The following RNF130 variants were observed in gnomAD, a reference collection of about 807,000 sequenced individuals.
RNF130 encodes the protein ring finger protein 130.
In RNF130, 21 loss-of-function variants were observed where a neutral mutation model predicts 44.6. The observed-to-expected ratio is 0.47, with a 90% CI of 0.33 to 0.68. RNF130 has a LOEUF of 0.68. Ranked by LOEUF, RNF130 falls within the 30% of genes least tolerant of loss-of-function variation. RNF130 has a pLI of 0.02. For missense variants in RNF130, 479 were observed against 560.6 expected (o/e 0.85, Z 1.47); for synonymous variants, 214 against 210.4 (o/e 1.02, Z -0.15).
rs1195961198 is a variant in RNF130, at chr5:179,966,983, C to T, written c.973G>A (p.Ala325Thr). ...CTGGTGAGCCTTTCCATATCGAATGCTACGTTATCAGTACATGGCAAATTC... is the reference window on the plus strand; with the variant it reads ...CTGGTGAGCCTTTCCATATCGAATGTTACGTTATCAGTACATGGCAAATTC... ...VPNLPCTDNVAFDMERLTRTQ... is the reference protein window; with the variant it reads ...VPNLPCTDNVTFDMERLTRTQ... Residue 325 changes from alanine to threonine, a missense_variant, in exon 7 of 9, where the codon GCA (alanine) becomes ACA (threonine). This residue lies in a region of RNF130 where 161 missense variants were observed against 158.6 expected (regional missense o/e 1.02). Transcript: ENST00000521389. 3 of 1,614,142 alleles carry T rather than the reference C, an allele frequency of 1.9e-6. No individual in the cohort carries two copies. In the African/African-American group the frequency reaches 4.0e-5, roughly 22 times the overall value.
intron 1 of RNF130, among the ~76,000 whole-genome samples, chr5:180,071,005 A>G (rs907657563): frequency 4.7e-5 from 7 of 148,892 alleles, no homozygotes; most frequent in African/African-American, 9.9e-5. Flanking sequence ...TTACCACTTA[A>G]GAAAAACGGC....
intron 7 of RNF130, among the ~76,000 whole-genome samples, chr5:179,943,975 T>A (rs866109588): frequency 2.6e-4 from 38 of 143,958 alleles, no homozygotes; most frequent in East Asian, 2.0e-3. Context: ...TTCTGAGAAA[T>A]TTTTTTTTTT....
At chr5:180,015,344 C>T (rs541630193) in intron 2 of RNF130, 1 of 533,800 alleles carries the variant, frequency 1.9e-6, no homozygotes, top group South Asian at 1.4e-5. Context: ...AGACGGATCC[C>T]ACAAACGACA....
intron 7 of RNF130, among the ~76,000 whole-genome samples, chr5:179,925,583 C>A (rs1761696757): frequency 6.6e-6 from 1 of 152,064 alleles, no homozygotes; most frequent in Admixed American, 6.6e-5. Context: ...CTGGAGTGTG[C>A]AGTGGTGCGA....
At chr5:180,061,582 T>C (rs1764987660) in intron 1 of RNF130, among the ~76,000 whole-genome samples, 1 of 152,204 alleles carries the variant, frequency 6.6e-6, no homozygotes, top group African/African-American at 2.4e-5. Context: ...AGCCATCCTT[T>C]GCACCCGCCG....
intron 2 of RNF130, among the ~76,000 whole-genome samples, chr5:180,022,010 C>G (rs77627621): frequency 0.012 from 1,832 of 152,330 alleles, 35 homozygotes; most frequent in African/African-American, 0.042. Context: ...ACATTCGGCC[C>G]AGTTGATCTG....
chr5:179,963,524 G>C lies in RNF130; in HGVS notation c.1191C>G (p.Ala397=). 7 of 1,614,016 alleles carry C rather than the reference G, an allele frequency of 4.3e-6. No individual in the cohort carries two copies. Among genetic ancestry groups the C allele is most frequent in the Non-Finnish European group, 5.9e-6 (7 of 1,179,924 alleles). The stretch of plus-strand genomic sequence containing the variant: ...TGATGATCATGTAGCAGAGTGTGAG[G>C]GCACTGAGGAGGCCAAAACTGGCAA... ...FIIASFGLLS[A]LTLCYMIIRA... is the part of the protein sequence containing the mutation. Residue 397 remains alanine, a synonymous_variant, in exon 8 of 9, where the codon GCC becomes GCG. Coordinates refer to ENST00000521389, the MANE Select transcript of RNF130 (RefSeq NM_018434.6).
intron 2 of RNF130, among the ~76,000 whole-genome samples, chr5:180,036,827 C>G (rs550781500): frequency 1.7e-5 from 2 of 115,018 alleles, no homozygotes; most frequent in Admixed American, 9.6e-5. Flanking sequence ...TAATGTCTGT[C>G]TACCCCCACA....
intron 3 of RNF130, among the ~76,000 whole-genome samples, chr5:180,006,402 G>A (rs984306462): frequency 2.6e-5 from 4 of 152,068 alleles, no homozygotes; most frequent in Admixed American, 6.5e-5. Flanking sequence ...TCCACATTCT[G>A]ACAGGCAAAT....
chr5:179,975,081 G>A (rs1406852135), intron 5 of RNF130, among the ~76,000 whole-genome samples: 1 of 152,218 alleles, frequency 6.6e-6, no homozygotes, highest in East Asian at 1.9e-4. Flanking sequence ...TGCCAAGTCT[G>A]TTCAGAGTCC....
rs192334165 is a variant in RNF130 at position 180,049,645 on chromosome 5, T to C, written c.248-8998A>G. Among the ~76,000 whole-genome samples the C allele has an allele frequency of 7.2e-5, 11 of 152,338 alleles. No homozygotes were observed. In the East Asian group the frequency reaches 1.7e-3, roughly 24 times the overall value. ...CTTGGGTTTCTTTAATCCTATTTAC[T>C]CCTGCACTTAACACTATTCTGAGAA... On this transcript the variant is annotated intron_variant, in intron 1 of 8. Coordinates refer to ENST00000521389, the MANE Select transcript of RNF130 (RefSeq NM_018434.6).
intron 7 of RNF130, among the ~76,000 whole-genome samples, chr5:179,942,827 A>G (rs1761983681): frequency 6.6e-6 from 1 of 152,216 alleles, no homozygotes; most frequent in African/African-American, 2.4e-5. Flanking sequence ...TATGGGTGAC[A>G]TATTTCCAGT....
At chr5:179,939,760 C>T in intron 7 of RNF130, 1 of 433,268 alleles carries the variant, frequency 2.3e-6, no homozygotes, top group Non-Finnish European at 4.5e-6. Flanking sequence ...GACCCCCTCC[C>T]TTGGCGACTC....
chr5:179,968,559 G>A lies in RNF130; in HGVS notation c.946-1549C>T, dbSNP rs187836265. Among the ~76,000 whole-genome samples the A allele has an allele frequency of 2.6e-3, 399 of 151,634 alleles. 1 individual carries two copies. The highest frequency in any genetic ancestry group is 4.3e-3 in the Non-Finnish European group (295 of 67,906). Reference sequence around the variant, plus strand: ...CAGGTGCCTGTAATCCCAGCTACAAGGGAGGCTGAGGCATGAGAACTGCTT... The same window carrying A: ...CAGGTGCCTGTAATCCCAGCTACAAAGGAGGCTGAGGCATGAGAACTGCTT... On this transcript the variant is annotated intron_variant, in intron 6 of 8. Transcript: ENST00000521389.
chr5:179,942,630 C>T (rs1761981198), intron 7 of RNF130, among the ~76,000 whole-genome samples: 1 of 152,144 alleles, frequency 6.6e-6, no homozygotes, highest in Non-Finnish European at 1.5e-5. Context: ...TTCTATACAG[C>T]AAAGCCATTT....
At chr5:180,064,546 T>C (rs1210443970) in intron 1 of RNF130, among the ~76,000 whole-genome samples, 2 of 152,238 alleles carry the variant, frequency 1.3e-5, no homozygotes, top group African/African-American at 2.4e-5. Context: ...TGTGCAGATA[T>C]ATGATGTCAC....
chr5:179,953,872 C>T (rs1037097725), downstream of RNF130, among the ~76,000 whole-genome samples: 1 of 152,080 alleles, frequency 6.6e-6, no homozygotes, highest in African/African-American at 2.4e-5. Context: ...TGATAAAGGC[C>T]TAGTATCTAG....
chr5:179,985,067 T>G (rs1041393286), intron 3 of RNF130, among the ~76,000 whole-genome samples: 1 of 151,754 alleles, frequency 6.6e-6, no homozygotes, highest in African/African-American at 2.4e-5. Flanking sequence ...TCAAGTCATC[T>G]CCTATTAATT....
In RNF130 at chr5:179,963,519, G is replaced by C; in HGVS notation, c.1196C>G (p.Thr399Arg). 6.2e-7 allele frequency: 1 copy of C among 1,614,096 alleles called. No homozygotes were observed. Among genetic ancestry groups the C allele is most frequent in the South Asian group, 1.1e-5 (1 of 91,072 alleles). Residue 399 changes from threonine to arginine, a missense_variant, in exon 8 of 9, where the codon ACA (threonine) becomes AGA (arginine). Coordinates refer to ENST00000521389, the MANE Select transcript of RNF130 (RefSeq NM_018434.6). ...GGCTCTGATGATCATGTAGCAGAGTGTGAGGGCACTGAGGAGGCCAAAACT... is the reference window on the plus strand; with the variant it reads ...GGCTCTGATGATCATGTAGCAGAGTCTGAGGGCACTGAGGAGGCCAAAACT... ...IASFGLLSAL[T>R]LCYMIIRATA...
Sources: allele counts gnomAD v4.1 joint callset (sites outside exome capture counted in the v4.1 genomes callset), GRCh38; gene constraint gnomAD v4.1.1; regional missense constraint gnomAD v4.1.1; transcripts MANE v1.5; gene names NCBI Gene and HGNC (gene_info 2026-07-23, HGNC 2026-07-21).